The following EDIL3 variants were observed in gnomAD, a reference collection of about 807,000 sequenced individuals.
The protein encoded by EDIL3 is EGF-like repeat and discoidin I-like domain-containing protein 3.
In EDIL3, 37 loss-of-function variants were observed where a neutral mutation model predicts 67.4. The ratio of observed to expected loss-of-function variants is 0.55; its 90% CI spans 0.42 to 0.72. EDIL3 has a LOEUF of 0.72. EDIL3 is among the 30% of genes least tolerant of loss of function. The pLI is 0.00. For synonymous variants in EDIL3, 195 were observed against 196.3 expected, an observed-to-expected ratio of 0.99 and a Z score of 0.05; for missense variants, 527 against 586.3, an observed-to-expected ratio of 0.90 and a Z score of 1.04.
intron 6 of EDIL3, among the ~76,000 whole-genome samples, chr5:84,096,102 G>A (rs906092088): frequency 2.0e-5 from 3 of 152,192 alleles, no homozygotes; most frequent in African/African-American, 7.2e-5. Context: ...CTGCAGGGGT[G>A]AGGCCCTCAT....
At chr5:84,250,370 T>C (rs1218076187) in intron 2 of EDIL3, among the ~76,000 whole-genome samples, 2 of 152,080 alleles carry the variant, frequency 1.3e-5, no homozygotes, top group African/African-American at 4.8e-5. Flanking sequence ...TATCAAAAAA[T>C]GTCCAGAGAA....
intron 1 of EDIL3, among the ~76,000 whole-genome samples, chr5:84,372,070 A>G (rs1208918280): frequency 6.6e-6 from 1 of 152,120 alleles, no homozygotes; most frequent in African/African-American, 2.4e-5. Context: ...TAGCTTCAAA[A>G]ATTAAAAAAT....
intron 9 of EDIL3, among the ~76,000 whole-genome samples, chr5:83,989,641 T>C (rs552733028): frequency 1.3e-5 from 2 of 152,290 alleles, no homozygotes; most frequent in African/African-American, 4.8e-5. Context: ...GTATGGACTT[T>C]AGGTGTGGTG....
chr5:84,149,116 AAG>A (rs1216228413), intron 4 of EDIL3, among the ~76,000 whole-genome samples: 4 of 152,302 alleles, frequency 2.6e-5, no homozygotes, highest in Admixed American at 6.5e-5. Flanking sequence ...ACTCTAGTGA[AAG>A]AGAGGGAGCT....
intron 4 of EDIL3, among the ~76,000 whole-genome samples, chr5:84,138,572 C>T (rs1580345057): frequency 6.6e-6 from 1 of 152,150 alleles, no homozygotes; most frequent in African/African-American, 2.4e-5. Flanking sequence ...TGGGCTATTA[C>T]AGTTGCTTAA....
At chr5:84,311,018 G>A (rs1746376328) in intron 1 of EDIL3, among the ~76,000 whole-genome samples, 1 of 151,828 alleles carries the variant, frequency 6.6e-6, no homozygotes, top group Non-Finnish European at 1.5e-5. Context: ...TTATGTCCAT[G>A]AGATTCATCA....
intron 1 of EDIL3, among the ~76,000 whole-genome samples, chr5:84,363,838 G>C (rs1443849457): frequency 6.6e-6 from 1 of 152,092 alleles, no homozygotes; most frequent in Non-Finnish European, 1.5e-5. Context: ...AAAAAAATTG[G>C]AGAAATCAGG....
At chr5:84,253,549 C>T (rs1745072946) in intron 2 of EDIL3, among the ~76,000 whole-genome samples, 1 of 152,076 alleles carries the variant, frequency 6.6e-6, no homozygotes, top group African/African-American at 2.4e-5. Flanking sequence ...TAACCAATGA[C>T]ACATTAATTT....
chr5:84,065,863 C>T (rs931216701), intron 7 of EDIL3, among the ~76,000 whole-genome samples: 1 of 151,934 alleles, frequency 6.6e-6, no homozygotes, highest in African/African-American at 2.4e-5. Context: ...CGCCTGTAAT[C>T]CCAGCACTTT....
chr5:84,384,447 G>A lies in EDIL3; in HGVS notation c.-73C>T. On this transcript the variant is annotated 5_prime_UTR_variant, in exon 1 of 11. Transcript: ENST00000296591. ...AGGGCAGTGTAGCCGAGGTGGCAGC[G>A]CAGGGCAGCAGCAGACTCCGCCCCT... The A allele has an allele frequency of 1.4e-6, 2 of 1,473,038 alleles. No homozygotes were observed. Among genetic ancestry groups the A allele is most frequent in the Non-Finnish European group, 1.9e-6 (2 of 1,058,684 alleles). The allele number at this position is 1,473,038 out of a possible 1,614,324, so 91.2% of individuals were successfully genotyped here. A position where few individuals can be genotyped will look rare whatever the true frequency, so the allele number is the denominator to read the frequency against.
At chr5:84,108,284 T>A (rs1268992602) in intron 5 of EDIL3, among the ~76,000 whole-genome samples, 6 of 152,058 alleles carry the variant, frequency 3.9e-5, no homozygotes, top group Admixed American at 2.6e-4. Flanking sequence ...TAAATTTTTT[T>A]ATAAAGAAGA....
chr5:84,063,811 G>A (rs903399303), intron 8 of EDIL3, among the ~76,000 whole-genome samples: 5 of 152,070 alleles, frequency 3.3e-5, no homozygotes, highest in African/African-American at 9.7e-5. Flanking sequence ...ACTAAAAAGC[G>A]GAGCACACAC....
At chr5:83,996,943 G>A (rs183804097) in intron 9 of EDIL3, among the ~76,000 whole-genome samples, 10 of 152,306 alleles carry the variant, frequency 6.6e-5, no homozygotes, top group Admixed American at 6.5e-4. Context: ...AGTTTGAGAA[G>A]CACTGTTCTG....
chr5:84,354,260 C>G (rs1379613544), intron 1 of EDIL3, among the ~76,000 whole-genome samples: 1 of 152,156 alleles, frequency 6.6e-6, no homozygotes, highest in Non-Finnish European at 1.5e-5. Context: ...AGTGTCTCTT[C>G]TCTTGCCCTC....
intron 3 of EDIL3, among the ~76,000 whole-genome samples, chr5:84,195,347 C>A (rs184204547): frequency 6.6e-6 from 1 of 151,920 alleles, no homozygotes; most frequent in African/African-American, 2.4e-5. Flanking sequence ...TAGGTCTGAA[C>A]TGTCCCTCTT....
At chr5:84,331,486 A>G (rs1746870092) in intron 1 of EDIL3, among the ~76,000 whole-genome samples, 1 of 152,142 alleles carries the variant, frequency 6.6e-6, no homozygotes, top group African/African-American at 2.4e-5. Context: ...ATGGTTTTAT[A>G]AGGGGCTTTG....
intron 6 of EDIL3, among the ~76,000 whole-genome samples, chr5:84,087,791 T>G (rs981458899): frequency 2.6e-5 from 4 of 152,090 alleles, no homozygotes; most frequent in African/African-American, 9.7e-5. Flanking sequence ...GGAATCTAGT[T>G]GAGGAGAGGG....
intron 1 of EDIL3, among the ~76,000 whole-genome samples, chr5:84,306,824 G>A (rs1222322398): frequency 2.6e-5 from 4 of 152,174 alleles, no homozygotes; most frequent in African/African-American, 9.7e-5. Context: ...GATTATGCTT[G>A]TGCACTGGCT....
chr5:83,948,431 A>T (rs575370984), intron 10 of EDIL3, among the ~76,000 whole-genome samples: 12 of 151,838 alleles, frequency 7.9e-5, no homozygotes, highest in Non-Finnish European at 1.5e-4. Context: ...ATTTTCACGG[A>T]ATTAGTATGC....
Sources: allele counts gnomAD v4.1 joint callset (sites outside exome capture counted in the v4.1 genomes callset), GRCh38; gene constraint gnomAD v4.1.1; transcripts MANE v1.5; gene names NCBI Gene and HGNC (gene_info 2026-07-23, HGNC 2026-07-21).